Variants in ESYT3 observed in about 807,000 individuals in gnomAD.
ESYT3 encodes extended synaptotagmin-3.
ESYT3 carries 101 observed loss-of-function variants against 111.5 expected under a neutral mutation model. The ratio of observed to expected loss-of-function variants is 0.91; its 90% CI spans 0.77 to 1.07. The LOEUF (loss-of-function observed/expected upper bound fraction) is 1.07. Ranked by LOEUF, ESYT3 falls within the 50% of genes least tolerant of loss-of-function variation. The probability of loss-of-function intolerance (pLI) is 0.00; values close to 1 mark genes in which losing one functional copy is unlikely to be tolerated. For synonymous variants in ESYT3, 416 were observed against 446.8 expected (o/e 0.93, Z 0.87); for missense variants, 1,097 against 1,109.4 (o/e 0.99, Z 0.16).
rs533258439 is a variant in ESYT3, at chr3:138,469,667, A to G, written c.1503+163A>G. Among the ~76,000 whole-genome samples the G allele has an allele frequency of 3.5e-4, 53 of 152,340 alleles. No individual in the cohort carries two copies. In the South Asian group the frequency reaches 1.0e-2, roughly 29 times the overall value. On this transcript the variant is annotated intron_variant, in intron 15 of 22. Transcript: ENST00000389567. ...CCTCACAAAATAGTTTTATAATTCAAGAATCTGAGGATCAGAGATAAATGA... is the reference window on the plus strand; with the variant it reads ...CCTCACAAAATAGTTTTATAATTCAGGAATCTGAGGATCAGAGATAAATGA...
At chr3:138,438,929 G>C (rs1379254685) in intron 1 of ESYT3, among the ~76,000 whole-genome samples, 1 of 152,310 alleles carries the variant, frequency 6.6e-6, no homozygotes, top group East Asian at 1.9e-4. Flanking sequence ...TTGAACAGAG[G>C]GTTCAAGAGG....
Position 138,477,061 on chromosome 3 carries a change from CTTT to C in ESYT3, c.*212_*214del, listed in dbSNP as rs1015149257. ...AGAGGTTATTTAAAAGCAAGAACTA[CTTT>C]TTTTGGTTGGATTTTTTTGTTCAAG... On this transcript the variant is annotated 3_prime_UTR_variant, in exon 23 of 23. Coordinates refer to ENST00000389567, the MANE Select transcript of ESYT3 (RefSeq NM_031913.5). 1 of 431,674 alleles carries C rather than the reference CTTT, an allele frequency of 2.3e-6. No individual in the cohort carries two copies. The highest frequency in any genetic ancestry group is 2.0e-5 in the African/African-American group (1 of 48,868). 26.7% of individuals were successfully genotyped at this position (431,674 alleles called of 1,614,324 possible).
intron 10 of ESYT3, among the ~76,000 whole-genome samples, 157 bp from the exon 11 acceptor site, chr3:138,467,404 G>T (rs762134777): frequency 6.6e-6 from 1 of 152,044 alleles, no homozygotes; most frequent in African/African-American, 2.4e-5. Context: ...TCCTTCACTC[G>T]AGCTGATGGT....
downstream of ESYT3, chr3:138,480,461 A>G (rs1200943911): frequency 2.0e-5 from 3 of 152,242 alleles, no homozygotes; most frequent in African/African-American, 4.8e-5. Flanking sequence ...TGCAGATGAT[A>G]TGATCATGAG....
At chr3:138,436,159 G>A (rs2030667811) in intron 1 of ESYT3, among the ~76,000 whole-genome samples, 1 of 152,182 alleles carries the variant, frequency 6.6e-6, no homozygotes, top group Non-Finnish European at 1.5e-5. Flanking sequence ...AAGTCTTACT[G>A]TATCAGTCAG....
rs371717477 is a variant in ESYT3, at chr3:138,475,526, C to A, written c.2469-697C>A. 2.6e-5 allele frequency among the ~76,000 whole-genome samples: 4 copies of A among 152,088 alleles called. No individual in the cohort carries two copies. The East Asian group carries it at 7.7e-4, about 29-fold the overall frequency. ...TGTTTTCCATGCAACTGTAGCAAAC[C>A]TAACTGCTCAGTGTTCTAGCCCTTA... On this transcript the variant is annotated intron_variant, in intron 20 of 22. Coordinates refer to ENST00000389567, the MANE Select transcript of ESYT3 (RefSeq NM_031913.5).
At chr3:138,449,915 C>T (rs917184751) in intron 1 of ESYT3, among the ~76,000 whole-genome samples, 1 of 152,184 alleles carries the variant, frequency 6.6e-6, no homozygotes, top group African/African-American at 2.4e-5. Context: ...GGGTGAGGCC[C>T]AGTCAGCCCT....
chr3:138,467,081 C>T (rs1368728775), intron 10 of ESYT3, among the ~76,000 whole-genome samples: 1 of 152,128 alleles, frequency 6.6e-6, no homozygotes. Context: ...CATCACATGC[C>T]AACTATACTT....
rs144097585 is a variant in ESYT3, at chr3:138,464,527, C to T, written c.1086+12C>T. On this transcript the variant is annotated intron_variant, in intron 9 of 22. Transcript: ENST00000389567. ...ACGAAGTGTTTGAGGTAAGGGTCTC[C>T]TTGGCTGCTTCTAGCCTTCACTCTG... The T allele has an allele frequency of 9.6e-4, 1,557 of 1,613,572 alleles. 30 individuals are homozygous for T. In the East Asian group the frequency reaches 0.03, roughly 31 times the overall value.
rs772524334 is a variant in ESYT3, at chr3:138,457,533, A to T, written c.505-35A>T. On this transcript the variant is annotated intron_variant, in intron 3 of 22. Transcript: ENST00000389567. ...CTGGCAGCTGTCCCCTGCTACAAGAAGCCTCTGACCTAGCCCTTTTGGCAT... is the reference window on the plus strand; with the variant it reads ...CTGGCAGCTGTCCCCTGCTACAAGATGCCTCTGACCTAGCCCTTTTGGCAT... 3.1e-6 allele frequency: 5 copies of T among 1,606,866 alleles called. No individual in the cohort carries two copies. In the East Asian group the frequency reaches 1.1e-4, roughly 36 times the overall value.
chr3:138,459,193 C>T lies in ESYT3; in HGVS notation c.588C>T (p.Ile196=), dbSNP rs139594127. 2.7e-5 allele frequency: 41 copies of T among 1,535,024 alleles called. No individual in the cohort carries two copies. In the African/African-American group the frequency reaches 2.9e-4, roughly 11 times the overall value. ...TTTCCACCCCCCATTTCAGCTACAT[C>T]GGGGACTGTGAGATCAGTGTGGAGC... ...RVTVDLQICY[I]GDCEISVELQ... is the part of the protein sequence containing the mutation. The change falls in exon 5 of 23, where the codon ATC becomes ATT. Residue 196 remains isoleucine (I), a synonymous_variant. Transcript: ENST00000389567.
chr3:138,474,842 G>A (rs1169260461), intron 20 of ESYT3, among the ~76,000 whole-genome samples: 1 of 152,186 alleles, frequency 6.6e-6, no homozygotes, highest in Non-Finnish European at 1.5e-5. Flanking sequence ...GGGGACAAGG[G>A]TGACTCTAAT....
chr3:138,455,347 G>T lies in ESYT3; in HGVS notation c.504+19G>T. On this transcript the variant is annotated intron_variant, in intron 3 of 22. Coordinates refer to ENST00000389567, the MANE Select transcript of ESYT3 (RefSeq NM_031913.5). ...ACAGAAGGTGGGTGTGTCTCGGGAG[G>T]GTCAGCCTGGACTGGCTGTGCAGTC... The T allele has an allele frequency of 6.2e-7, 1 of 1,613,568 alleles. No individual in the cohort carries two copies. The highest frequency in any genetic ancestry group is 8.5e-7 in the Non-Finnish European group (1 of 1,179,668).
rs757286564 is a variant in ESYT3 at position 138,464,486 on chromosome 3, C to G, written c.1057C>G (p.Leu353Val). 1 of 1,614,110 alleles carries G rather than the reference C, an allele frequency of 6.2e-7. No homozygotes were observed. Among genetic ancestry groups the G allele is most frequent in the Non-Finnish European group, 8.5e-7 (1 of 1,180,018 alleles). Residue 353 changes from leucine to valine, a missense_variant, in exon 9 of 23, where the codon CTG (leucine) becomes GTG (valine). Transcript: ENST00000389567. ...HFRSRTIYRN[L>V]NPTWNEVFEF... ...CCGGAGTAGGACCATCTACAGGAAC[C>G]TGAACCCCACCTGGAACGAAGTGTT...
chr3:138,457,792 C>T (rs1270449736), intron 4 of ESYT3, 148 bp downstream of exon 4: 1 of 767,054 alleles, frequency 1.3e-6, no homozygotes, highest in Non-Finnish European at 2.2e-6. Flanking sequence ...TTCTCCCATC[C>T]CCTGGCATAC....
At chr3:138,443,736 CTGTGTG>C (rs11268903) in intron 1 of ESYT3, among the ~76,000 whole-genome samples, 1 of 147,866 alleles carries the variant, frequency 6.8e-6, no homozygotes, top group Non-Finnish European at 1.5e-5. Flanking sequence ...GTTTGTGCAT[CTGTGTG>C]TGTGTGTGTG....
chr3:138,448,150 C>T (rs1049523520), intron 1 of ESYT3, among the ~76,000 whole-genome samples: 11 of 151,516 alleles, frequency 7.3e-5, no homozygotes, highest in Admixed American at 5.3e-4. Flanking sequence ...GCCTGTAATC[C>T]CAGCTACTCG....
In ESYT3 at chr3:138,460,556, T is replaced by C. The variant is rs74874007; in HGVS notation, c.739-55T>C. The C allele has an allele frequency of 9.4e-4, 1,482 of 1,583,962 alleles. 12 individuals carry two copies. The African/African-American group carries it at 0.017, about 19-fold the overall frequency. On this transcript the variant is annotated intron_variant, in intron 6 of 22. Transcript: ENST00000389567. ...GTGTGAGGCTCTTGGCAGGGGGTTC[T>C]CAGCCCTGGGCTCCCAACCCTTTCC...
At position 138,474,395 on chromosome 3, in the gene ESYT3, A is replaced by G. The variant is rs376182654; in HGVS notation, c.2468+43A>G. The G allele has an allele frequency of 1.4e-5, 22 of 1,536,578 alleles. No individual in the cohort carries two copies. The Middle Eastern group carries it at 5.4e-4, about 38-fold the overall frequency. ...CTGCCTAGAGTGCCTCACCCATTCAAGTATTTTCCAAGTACCTGTTATGTT... is the reference window on the plus strand; with the variant it reads ...CTGCCTAGAGTGCCTCACCCATTCAGGTATTTTCCAAGTACCTGTTATGTT... On this transcript the variant is annotated intron_variant, in intron 20 of 22. Coordinates refer to ENST00000389567, the MANE Select transcript of ESYT3 (RefSeq NM_031913.5).
Sources: allele counts gnomAD v4.1 joint callset (sites outside exome capture counted in the v4.1 genomes callset), GRCh38; gene constraint gnomAD v4.1.1; transcripts MANE v1.5; gene names NCBI Gene and HGNC (gene_info 2026-07-23, HGNC 2026-07-21).